The following CSMD1 variants were observed in gnomAD, a reference collection of about 807,000 sequenced individuals.
The protein encoded by CSMD1 is CUB and Sushi multiple domains 1.
Under a neutral mutation model 417.5 loss-of-function variants are expected in CSMD1, and 213 were observed. The ratio of observed to expected loss-of-function variants is 0.51; its 90% CI spans 0.46 to 0.57. CSMD1 has a LOEUF of 0.57. Ranked by LOEUF, CSMD1 falls within the 20% of genes least tolerant of loss-of-function variation. The pLI, the probability that CSMD1 is intolerant of heterozygous loss-of-function variation, is 0.00. For synonymous variants in CSMD1, 2,862 were observed against 1,736.8 expected (o/e 1.65, Z -16.11); for missense variants, 6,923 against 4,529.7 (o/e 1.53, Z -15.17).
chr8:4,080,162 T>C (rs1267810555), intron 3 of CSMD1, among the ~76,000 whole-genome samples: 2 of 152,076 alleles, frequency 1.3e-5, no homozygotes, highest in Admixed American at 6.6e-5. Context: ...TTACAAGCCA[T>C]GCATTTCTAT....
chr8:4,754,926 C>A (rs954514402), intron 1 of CSMD1, among the ~76,000 whole-genome samples: 1 of 151,930 alleles, frequency 6.6e-6, no homozygotes, highest in South Asian at 2.1e-4. Flanking sequence ...ATCACAAGGT[C>A]GGGAGTTCGA....
chr8:4,416,982 T>A (rs372460255), intron 3 of CSMD1, among the ~76,000 whole-genome samples: 2 of 152,108 alleles, frequency 1.3e-5, no homozygotes, highest in East Asian at 3.8e-4. Context: ...CAAAGACAGC[T>A]ATGCAACTAT....
intron 1 of CSMD1, among the ~76,000 whole-genome samples, chr8:4,809,369 A>G (rs1185461890): frequency 6.6e-6 from 1 of 152,204 alleles, no homozygotes; most frequent in Non-Finnish European, 1.5e-5. Flanking sequence ...TGCTTCTAAA[A>G]TCTCCCATCT....
chr8:3,685,376 G>C (rs561223629), intron 7 of CSMD1, among the ~76,000 whole-genome samples: 2 of 152,164 alleles, frequency 1.3e-5, no homozygotes, highest in African/African-American at 2.4e-5. Context: ...AAACACCAGG[G>C]GTCCTGTCTG....
At chr8:3,699,443 C>G (rs999473117) in intron 7 of CSMD1, among the ~76,000 whole-genome samples, 3 of 152,178 alleles carry the variant, frequency 2.0e-5, no homozygotes, top group Non-Finnish European at 4.4e-5. Flanking sequence ...CCTAGCAAGT[C>G]TACAGATAAG....
chr8:3,622,370 G>T (rs1016930426), intron 7 of CSMD1, among the ~76,000 whole-genome samples: 1 of 152,144 alleles, frequency 6.6e-6, no homozygotes, highest in Non-Finnish European at 1.5e-5. Context: ...GGTAGTTAAT[G>T]CACTTTTCCA....
intron 10 of CSMD1, among the ~76,000 whole-genome samples, chr8:3,511,003 A>G (rs6991544): frequency 0.58 from 87,888 of 151,384 alleles, 26,290 homozygotes; most frequent in African/African-American, 0.7. Flanking sequence ...ATGATAGACC[A>G]AACAAAGAAA....
chr8:4,243,178 C>G (rs1327722061), intron 3 of CSMD1, among the ~76,000 whole-genome samples: 1 of 152,048 alleles, frequency 6.6e-6, no homozygotes. Context: ...ATGGAAGCCT[C>G]TGCTCTGGGC....
At chr8:3,091,274 T>C (rs979988674) in intron 48 of CSMD1, among the ~76,000 whole-genome samples, 2 of 152,124 alleles carry the variant, frequency 1.3e-5, no homozygotes, top group East Asian at 1.9e-4. Context: ...TTGCTTTCTA[T>C]AATATGAATT....
intron 3 of CSMD1, among the ~76,000 whole-genome samples, chr8:4,178,299 C>A (rs1189981047): frequency 6.6e-6 from 1 of 151,606 alleles, no homozygotes; most frequent in Non-Finnish European, 1.5e-5. Context: ...TAAATGTAAT[C>A]CAGCATATAA....
intron 2 of CSMD1, among the ~76,000 whole-genome samples, chr8:4,441,582 T>G (rs1450772187): frequency 1.3e-5 from 2 of 152,140 alleles, no homozygotes; most frequent in Non-Finnish European, 1.5e-5. Context: ...ATGCAAACAT[T>G]TTATGTTCAA....
chr8:3,381,921 C>G (rs60094944), intron 18 of CSMD1, among the ~76,000 whole-genome samples: 9,985 of 152,158 alleles, frequency 0.066, 395 homozygotes, highest in East Asian at 0.16. Flanking sequence ...TATGCATATA[C>G]ACAACATGCA....
intron 21 of CSMD1, among the ~76,000 whole-genome samples, chr8:3,348,677 G>A (rs1808180020): frequency 6.6e-6 from 1 of 151,872 alleles, no homozygotes; most frequent in Non-Finnish European, 1.5e-5. Context: ...TCACATCCCT[G>A]AATGCCTCAG....
intron 53 of CSMD1, among the ~76,000 whole-genome samples, chr8:2,999,017 G>C (rs547206867): frequency 6.6e-6 from 1 of 152,234 alleles, no homozygotes; most frequent in East Asian, 1.9e-4. Flanking sequence ...AAAACAATTG[G>C]TTTAAGGGAA....
At chr8:3,567,543 AAAGGGAAGGAAAGGG>A (rs1301865967) in intron 10 of CSMD1, among the ~76,000 whole-genome samples, 51 of 150,994 alleles carry the variant, frequency 3.4e-4, no homozygotes, top group African/African-American at 6.1e-4. Flanking sequence ...GGGGAAAGAG[AAAGGGAAGGAAAGGG>A]AAGGGAAGGA....
At chr8:4,145,281 C>G (rs1585414220) in intron 3 of CSMD1, among the ~76,000 whole-genome samples, 1 of 151,046 alleles carries the variant, frequency 6.6e-6, no homozygotes, top group East Asian at 1.9e-4. Context: ...GTTAGACTTC[C>G]AATGCTTTCT....
At chr8:3,910,502 C>T (rs543382151) in intron 5 of CSMD1, among the ~76,000 whole-genome samples, 2 of 152,282 alleles carry the variant, frequency 1.3e-5, no homozygotes, top group Admixed American at 1.3e-4. Flanking sequence ...ACCAAGTAAA[C>T]ATTATACAAA....
intron 10 of CSMD1, among the ~76,000 whole-genome samples, chr8:3,497,970 T>C (rs576401755): frequency 1.3e-4 from 20 of 152,370 alleles, no homozygotes; most frequent in African/African-American, 4.6e-4. Context: ...TAAGCATTTC[T>C]TGTAGGACCA....
intron 3 of CSMD1, among the ~76,000 whole-genome samples, chr8:4,346,995 A>T (rs117438596): frequency 0.015 from 2,250 of 152,302 alleles, 24 homozygotes; most frequent in Middle Eastern, 0.034. Flanking sequence ...GTGGCTGAGG[A>T]CAAGGGCTCC....
Sources: gnomAD v4.1 joint callset for allele counts (sites outside exome capture counted in the v4.1 genomes callset) on GRCh38, gnomAD v4.1.1 for gene constraint, MANE v1.5 for transcripts, NCBI Gene and HGNC (gene_info 2026-07-23, HGNC 2026-07-21) for gene names.